RIMS1: variants seen among roughly 807,000 people sequenced by gnomAD.
RIMS1 encodes the protein regulating synaptic membrane exocytosis 1.
RIMS1 carries 83 observed loss-of-function variants against 214.1 expected under a neutral mutation model. The observed-to-expected ratio is 0.39, with a 90% CI of 0.32 to 0.47. The LOEUF is 0.47. Among genes scored for constraint, RIMS1 ranks in the 20% least tolerant of loss-of-function variants. RIMS1 has a pLI of 0.99. For missense variants in RIMS1, 2,050 were observed against 2,161.8 expected (o/e 0.95, Z 1.03); for synonymous variants, 793 against 786.8 (o/e 1.01, Z -0.13).
At chr6:72,241,733 C>T (rs1444095795) in intron 9 of RIMS1, among the ~76,000 whole-genome samples, 1 of 152,114 alleles carries the variant, frequency 6.6e-6, no homozygotes, top group Non-Finnish European at 1.5e-5. Flanking sequence ...TGTAATTTTG[C>T]CATAGCTACC....
intron 29 of RIMS1, among the ~76,000 whole-genome samples, chr6:72,345,454 A>G (rs2097228689): frequency 6.6e-6 from 1 of 151,218 alleles, no homozygotes; most frequent in East Asian, 1.9e-4. Flanking sequence ...CACAAAAAAC[A>G]GCCATGAAAT....
chr6:72,293,543 T>C (rs948902291), intron 26 of RIMS1, among the ~76,000 whole-genome samples: 2 of 151,948 alleles, frequency 1.3e-5, no homozygotes, highest in Admixed American at 6.6e-5. Context: ...AACTCGGTCT[T>C]ACCGATCATA....
chr6:72,353,564 C>T (rs1564428674), intron 29 of RIMS1, among the ~76,000 whole-genome samples: 2 of 152,280 alleles, frequency 1.3e-5, no homozygotes, highest in South Asian at 2.1e-4. Context: ...GAACAAAAAA[C>T]GTTTGTTCAT....
intron 19 of RIMS1, chr6:72,261,893 G>T: frequency 1.0e-6 from 1 of 985,182 alleles, no homozygotes; most frequent in East Asian, 1.1e-4. Context: ...GTAAAATCAT[G>T]CATATTGTAA....
intron 2 of RIMS1, among the ~76,000 whole-genome samples, chr6:72,066,405 C>A (rs561273889): frequency 1.9e-4 from 29 of 152,228 alleles, no homozygotes; most frequent in African/African-American, 6.5e-4. Context: ...ATTATTGAAT[C>A]TCAGTCAATA....
Position 71,964,024 on chromosome 6 carries a change from A to G in RIMS1, c.165-4959A>G, listed in dbSNP as rs181595474. 1.4e-3 allele frequency among the ~76,000 whole-genome samples: 212 copies of G among 152,300 alleles called. 1 individual carries two copies. Among genetic ancestry groups the G allele is most frequent in the African/African-American group, 4.7e-3 (196 of 41,566 alleles). On this transcript the variant is annotated intron_variant, in intron 1 of 33. Transcript: ENST00000521978. The stretch of plus-strand genomic sequence containing the variant: ...GTAGTTCGTATTTCAGCAGTAGGAG[A>G]CAGTATATCTCAGAAAACAGTAGAG...
intron 29 of RIMS1, among the ~76,000 whole-genome samples, chr6:72,345,734 G>T (rs2097243759): frequency 6.6e-6 from 1 of 151,774 alleles, no homozygotes; most frequent in Admixed American, 6.6e-5. Context: ...TTGTACTAGG[G>T]TGGAACTGGA....
At chr6:72,074,875 G>T (rs1174283927) in intron 2 of RIMS1, among the ~76,000 whole-genome samples, 1 of 152,152 alleles carries the variant, frequency 6.6e-6, no homozygotes, top group Non-Finnish European at 1.5e-5. Flanking sequence ...TGAATTCGTA[G>T]ACATGAAGTC....
chr6:72,073,276 G>A (rs1376668001), intron 2 of RIMS1, among the ~76,000 whole-genome samples: 2 of 152,106 alleles, frequency 1.3e-5, no homozygotes, highest in East Asian at 3.9e-4. Flanking sequence ...ATCTCTTGTT[G>A]TATGAATCCG....
chr6:72,241,847 C>T (rs2067064269), intron 9 of RIMS1, among the ~76,000 whole-genome samples: 1 of 152,132 alleles, frequency 6.6e-6, no homozygotes, highest in South Asian at 2.1e-4. Context: ...GAAATTCATG[C>T]TAACAAATAT....
chr6:72,183,093 C>A lies in RIMS1; in HGVS notation c.1622C>A (p.Pro541His). 6.3e-7 allele frequency: 1 copy of A among 1,591,718 alleles called. No individual in the cohort carries two copies. The highest frequency in any genetic ancestry group is 8.5e-7 in the Non-Finnish European group (1 of 1,170,320). ...SSSEEEGVST[P>H]EYTSCEDVEL... ...TCTGAGGAGGAGGGCGTGTCGACGC[C>A]CGAGTACACCAGCTGCGAGGACGTG... Residue 541 changes from proline to histidine, a missense_variant, in exon 6 of 34, where the codon CCC (proline) becomes CAC (histidine). Pro to His is a moderately conservative substitution (Grantham distance 77). Around this residue, in one of 6 missense-constraint regions of RIMS1, gnomAD observed 882 missense variants for 828.9 expected, o/e 1.06. Coordinates refer to ENST00000521978, the MANE Select transcript of RIMS1 (RefSeq NM_014989.7).
intron 29 of RIMS1, among the ~76,000 whole-genome samples, chr6:72,343,085 G>T (rs928482621): frequency 6.6e-6 from 1 of 151,802 alleles, no homozygotes; most frequent in Admixed American, 6.6e-5. Flanking sequence ...CATGTGGAAA[G>T]TAACTTTAAA....
chr6:72,207,801 A>G (rs1172142960), intron 6 of RIMS1, among the ~76,000 whole-genome samples: 1 of 152,140 alleles, frequency 6.6e-6, no homozygotes, highest in Non-Finnish European at 1.5e-5. Context: ...AACCCCCCAA[A>G]TTCCACTGAG....
chr6:72,119,240 T>C (rs1393822350), intron 4 of RIMS1, among the ~76,000 whole-genome samples: 1 of 151,404 alleles, frequency 6.6e-6, no homozygotes, highest in Non-Finnish European at 1.5e-5. Context: ...GCAAAAAATT[T>C]ATAAAATACT....
chr6:71,997,766 G>C lies in RIMS1; in HGVS notation c.245+28703G>C, dbSNP rs528048828. ...CTGGCTAATACAGGCTCCTATTTTAGAATCTCAGAGTTTTTAAAATGCTAA... is the reference window on the plus strand; with the variant it reads ...CTGGCTAATACAGGCTCCTATTTTACAATCTCAGAGTTTTTAAAATGCTAA... On this transcript the variant is annotated intron_variant, in intron 2 of 33. Coordinates refer to ENST00000521978, the MANE Select transcript of RIMS1 (RefSeq NM_014989.7). Among the ~76,000 whole-genome samples the C allele has an allele frequency of 2.6e-5, 4 of 152,194 alleles. No homozygotes were observed. In the South Asian group the frequency reaches 8.3e-4, roughly 32 times the overall value.
intron 6 of RIMS1, among the ~76,000 whole-genome samples, chr6:72,214,913 G>C (rs889445732): frequency 2.6e-5 from 4 of 152,136 alleles, no homozygotes; most frequent in Admixed American, 1.3e-4. Flanking sequence ...AGTAGAGATG[G>C]GGTTTCACCA....
chr6:72,291,806 G>A, intron 25 of RIMS1, 128 bp from the exon 26 acceptor site: 1 of 724,588 alleles, frequency 1.4e-6, no homozygotes. Context: ...AAAAGTGTTT[G>A]ATTCTGCTCC....
At chr6:72,296,304 T>C (rs2094088381) in intron 26 of RIMS1, among the ~76,000 whole-genome samples, 2 of 151,978 alleles carry the variant, frequency 1.3e-5, no homozygotes, top group Non-Finnish European at 2.9e-5. Context: ...CCTGCTCTCA[T>C]AGATAAAAGA....
rs2081169659 is a variant in RIMS1, at chr6:72,267,569, C to T, written c.3398+1520C>T. On this transcript the variant is annotated intron_variant, in intron 22 of 33. Coordinates refer to ENST00000521978, the MANE Select transcript of RIMS1 (RefSeq NM_014989.7). ...ATATTTTGCACTCCCTTTTTTACAG[C>T]ATAATAAGCCATAGATACTAAAGAT... is the stretch of plus-strand genomic sequence containing the variant. 2.0e-5 allele frequency among the ~76,000 whole-genome samples: 3 copies of T among 152,094 alleles called. 1 individual carries two copies. Among genetic ancestry groups the T allele is most frequent in the Admixed American group, 6.6e-5 (1 of 15,258 alleles).
Sources: allele counts gnomAD v4.1 joint callset (sites outside exome capture counted in the v4.1 genomes callset), GRCh38; gene constraint gnomAD v4.1.1; regional missense constraint gnomAD v4.1.1; transcripts MANE v1.5; gene names NCBI Gene and HGNC (gene_info 2026-07-23, HGNC 2026-07-21).